Variants in MAP2K6 observed in about 807,000 individuals in gnomAD.
The protein encoded by MAP2K6 is dual specificity mitogen-activated protein kinase kinase 6.
In MAP2K6, 16 loss-of-function variants were observed where a neutral mutation model predicts 53.7. The observed-to-expected ratio is 0.30, with a 90% confidence interval of 0.20 to 0.45. The LOEUF (loss-of-function observed/expected upper bound fraction) is 0.45. Among genes scored for constraint, MAP2K6 ranks in the 20% least tolerant of loss-of-function variants. The pLI, the probability that MAP2K6 is intolerant of heterozygous loss-of-function variation, is 1.00. For missense variants in MAP2K6, 204 were observed against 411.9 expected (o/e 0.50, Z 4.37); for synonymous variants, 132 against 143.1 (o/e 0.92, Z 0.55).
rs1908856731 is a variant in MAP2K6, at chr17:69,494,117, G to GA, written c.17-11657dup. ...GGGATAAGAGCAGCAGAATCCAGTG[G>GA]AAAAAACTACAGGACACATGGCCTG... On this transcript the variant is annotated intron_variant, in intron 1 of 11. Coordinates refer to ENST00000590474, the MANE Select transcript of MAP2K6 (RefSeq NM_002758.4). This position sits in a 1 kb window ranked among gnomAD's most constrained non-coding sequence, Gnocchi z 4.2. 6.6e-6 allele frequency among the ~76,000 whole-genome samples: 1 copy of GA among 152,192 alleles called. No homozygotes were observed. Among genetic ancestry groups the GA allele is most frequent in the South Asian group, 2.1e-4 (1 of 4,836 alleles).
At chr17:69,430,266 G>A (rs2145136334) in intron 1 of MAP2K6, among the ~76,000 whole-genome samples, 1 of 152,234 alleles carries the variant, frequency 6.6e-6, no homozygotes. Flanking sequence ...AACCTGGGAG[G>A]TGGAGGTTGC....
chr17:69,475,120 C>G (rs1193296115), intron 1 of MAP2K6, among the ~76,000 whole-genome samples: 5 of 151,050 alleles, frequency 3.3e-5, no homozygotes, highest in African/African-American at 1.2e-4. Context: ...GGTTTAAGTT[C>G]CTGGAAACCT....
intron 1 of MAP2K6, among the ~76,000 whole-genome samples, chr17:69,491,822 C>T (rs563314012): frequency 6.6e-6 from 1 of 151,780 alleles, no homozygotes; most frequent in East Asian, 1.9e-4. Context: ...TGATTTGATT[C>T]AGACTGGTCT....
At position 69,414,851 on chromosome 17, in the gene MAP2K6, C is replaced by A; in HGVS notation, c.-134C>A. The A allele has an allele frequency of 1.4e-6, 1 of 740,654 alleles. No individual in the cohort carries two copies. Among genetic ancestry groups the A allele is most frequent in the Non-Finnish European group, 2.3e-6 (1 of 427,112 alleles). The allele number at this position is 740,654 out of a possible 1,614,324, so 45.9% of individuals were successfully genotyped here. The stretch of plus-strand genomic sequence containing the variant: ...TGATTCCCTGAAAGTCCATCTGCTG[C>A]ATCGGTCAAGAGAAACTCCACTTGC... On this transcript the variant is annotated 5_prime_UTR_variant, in exon 1 of 12. Transcript: ENST00000590474.
At chr17:69,474,966 G>A (rs1057211233) in intron 1 of MAP2K6, among the ~76,000 whole-genome samples, 8 of 152,152 alleles carry the variant, frequency 5.3e-5, no homozygotes, top group Non-Finnish European at 1.2e-4. Flanking sequence ...AGCCTGAAAA[G>A]TCAGGCTCTA....
At chr17:69,446,910 A>C (rs1376049474) in intron 1 of MAP2K6, among the ~76,000 whole-genome samples, 2 of 150,930 alleles carry the variant, frequency 1.3e-5, no homozygotes, top group Non-Finnish European at 2.9e-5. Context: ...TGAAGTGGTC[A>C]TTCATTGGAC....
intron 10 of MAP2K6, 84 bp downstream of exon 10, chr17:69,526,793 CA>C: frequency 6.8e-7 from 1 of 1,466,802 alleles, no homozygotes; most frequent in Non-Finnish European, 9.1e-7. Context: ...TTGAATCCAT[CA>C]TGCATACATT....
At chr17:69,487,593 T>C (rs539151350) in intron 1 of MAP2K6, among the ~76,000 whole-genome samples, 11 of 152,370 alleles carry the variant, frequency 7.2e-5, no homozygotes, top group African/African-American at 1.4e-4. Flanking sequence ...AAGGTAGATA[T>C]TGGTTTTCCC....
Position 69,487,584 on chromosome 17 carries a change from A to G in MAP2K6, c.17-18196A>G, listed in dbSNP as rs187923544. 5.3e-3 allele frequency among the ~76,000 whole-genome samples: 814 copies of G among 152,354 alleles called. 11 individuals are homozygous for G. The highest frequency in any genetic ancestry group is 0.019 in the African/African-American group (783 of 41,594). On this transcript the variant is annotated intron_variant, in intron 1 of 11. Coordinates refer to ENST00000590474, the MANE Select transcript of MAP2K6 (RefSeq NM_002758.4). ...TTGATTTGCTCCTTTAATGCCACCA[A>G]GGTAGATATTGGTTTTCCCATTTTA...
chr17:69,490,045 A>G (rs1160030091), intron 1 of MAP2K6, among the ~76,000 whole-genome samples: 3 of 152,216 alleles, frequency 2.0e-5, no homozygotes, highest in Non-Finnish European at 4.4e-5. Flanking sequence ...TACAGGGTAA[A>G]GAATCTTGCC....
At chr17:69,496,270 C>T (rs564910409) in intron 1 of MAP2K6, among the ~76,000 whole-genome samples, 1 of 125,436 alleles carries the variant, frequency 8.0e-6, no homozygotes, top group African/African-American at 3.2e-5. Context: ...GGCTGCCTTC[C>T]CTTCTTTTTT....
At chr17:69,423,202 G>GGGCTATACT (rs1906152926) in intron 1 of MAP2K6, among the ~76,000 whole-genome samples, 1 of 152,070 alleles carries the variant, frequency 6.6e-6, no homozygotes, top group Non-Finnish European at 1.5e-5. Flanking sequence ...CTGTTTTTAA[G>GGGCTATACT]TATAGCCCGT....
At position 69,454,784 on chromosome 17, in the gene MAP2K6, C is replaced by G. The variant is rs758505171; in HGVS notation, c.16+39784C>G. Among the ~76,000 whole-genome samples, 43 of 152,080 alleles carry G rather than the reference C, an allele frequency of 2.8e-4. 1 individual carries two copies. The highest frequency in any genetic ancestry group is 5.9e-5 in the Non-Finnish European group (4 of 68,030). On this transcript the variant is annotated intron_variant, in intron 1 of 11. Transcript: ENST00000590474. ...CATAGGACAATTCAAAAGGTAAATTCAAGGACTATTTGATAAAAATATGTG... is the reference window on the plus strand; with the variant it reads ...CATAGGACAATTCAAAAGGTAAATTGAAGGACTATTTGATAAAAATATGTG...
At chr17:69,445,139 T>C (rs1184699498) in intron 1 of MAP2K6, among the ~76,000 whole-genome samples, 2 of 152,168 alleles carry the variant, frequency 1.3e-5, no homozygotes, top group East Asian at 3.8e-4. Flanking sequence ...CAGGCTGGTC[T>C]CAAACTCCTG....
At chr17:69,424,539 T>C (rs1039840492) in intron 1 of MAP2K6, among the ~76,000 whole-genome samples, 3 of 152,164 alleles carry the variant, frequency 2.0e-5, no homozygotes, top group Admixed American at 1.3e-4. Context: ...ACCAAACCGA[T>C]AGTGGCAGAG....
intron 1 of MAP2K6, among the ~76,000 whole-genome samples, chr17:69,426,797 T>A (rs1567814067): frequency 2.0e-5 from 3 of 146,350 alleles, no homozygotes; most frequent in African/African-American, 7.5e-5. Flanking sequence ...TAGAAGGATT[T>A]AAAAAAAAAA....
At chr17:69,502,207 T>G (rs1415122452) in intron 1 of MAP2K6, 7 of 985,378 alleles carry the variant, frequency 7.1e-6, no homozygotes, top group Non-Finnish European at 8.4e-6. Flanking sequence ...CTCGGAACAA[T>G]GAGCTTGCAG....
chr17:69,452,939 C>CCGAA, intron 1 of MAP2K6, among the ~76,000 whole-genome samples: 1 of 152,288 alleles, frequency 6.6e-6, no homozygotes, highest in South Asian at 2.1e-4. Flanking sequence ...GACTTTGGTG[C>CCGAA]TGTCTTTCAT....
chr17:69,481,551 C>G (rs1163286684), intron 1 of MAP2K6, among the ~76,000 whole-genome samples: 1 of 152,118 alleles, frequency 6.6e-6, no homozygotes, highest in African/African-American at 2.4e-5. Context: ...ACTTAAATAA[C>G]AGAAATTTAT....
Sources: allele counts gnomAD v4.1 joint callset (sites outside exome capture counted in the v4.1 genomes callset), GRCh38; gene constraint gnomAD v4.1.1; non-coding constraint Gnocchi (gnomAD v3.1); transcripts MANE v1.5; gene names NCBI Gene and HGNC (gene_info 2026-07-23, HGNC 2026-07-21).